Variants in PRMT8 observed in about 807,000 individuals in gnomAD.
PRMT8 encodes the protein protein arginine methyltransferase 8.
PRMT8 carries 7 observed loss-of-function variants against 47.1 expected under a neutral mutation model. That is an observed-to-expected ratio of 0.15 (90% CI 0.08 to 0.28). The LOEUF (loss-of-function observed/expected upper bound fraction) is 0.28, where lower values mean the gene tolerates loss of function less well. Among genes scored for constraint, PRMT8 ranks in the 10% least tolerant of loss-of-function variants. The probability of loss-of-function intolerance (pLI) is 1.00; values close to 1 mark genes in which losing one functional copy is unlikely to be tolerated. For missense variants in PRMT8, 237 were observed against 505.4 expected (o/e 0.47, Z 5.09); for synonymous variants, 188 against 186.5 (o/e 1.01, Z -0.07).
intron 7 of PRMT8, among the ~76,000 whole-genome samples, chr12:3,577,993 TC>T (rs1231651760): frequency 3.3e-5 from 5 of 152,242 alleles, no homozygotes; most frequent in Admixed American, 1.3e-4. Flanking sequence ...CTGGGTTGCC[TC>T]TTCCAGTCCT....
rs181957023 is a variant in PRMT8, at chr12:3,514,776, C to T, written c.75+23076C>T. On this transcript the variant is annotated intron_variant, in intron 1 of 9. Transcript: ENST00000382622. This position sits in a 1 kb window ranked among gnomAD's most constrained non-coding sequence, Gnocchi z 5.9. ...GGCCCCTCCCTATGGGGGTCACTGT[C>T]GACCTGCTCTTTCCCCGACCTGAAA... 2.0e-5 allele frequency among the ~76,000 whole-genome samples: 3 copies of T among 152,236 alleles called. No homozygotes were observed. Among genetic ancestry groups the T allele is most frequent in the East Asian group, 3.9e-4 (2 of 5,150 alleles).
chr12:3,543,858 A>AG (rs955545397), intron 2 of PRMT8, among the ~76,000 whole-genome samples: 1 of 152,032 alleles, frequency 6.6e-6, no homozygotes, highest in African/African-American at 2.4e-5. Context: ...CCACCTAGAG[A>AG]GGAGGTGGTA....
chr12:3,384,585 C>T (rs564782596), intron 1 of PRMT8, among the ~76,000 whole-genome samples: 153 of 152,246 alleles, frequency 1.0e-3, no homozygotes, highest in African/African-American at 3.5e-3. Context: ...GCTTTCCCCT[C>T]GTGGTTGCAA....
In PRMT8 at chr12:3,508,457, C is replaced by T. The variant is rs1046065174; in HGVS notation, c.75+16757C>T. 2.6e-5 allele frequency among the ~76,000 whole-genome samples: 4 copies of T among 152,232 alleles called. No individual in the cohort carries two copies. Among genetic ancestry groups the T allele is most frequent in the South Asian group, 4.1e-4 (2 of 4,824 alleles). ...CTACACACAGGGTCTGACATCTGAA[C>T]GCGGGAGAGTGTGTTTCCTGTGAGA... On this transcript the variant is annotated intron_variant, in intron 1 of 9. Transcript: ENST00000382622. This position sits in a 1 kb window ranked among gnomAD's most constrained non-coding sequence, Gnocchi z 4.9.
chr12:3,548,798 C>A (rs775607382), intron 2 of PRMT8, among the ~76,000 whole-genome samples: 31 of 152,232 alleles, frequency 2.0e-4, no homozygotes, highest in Admixed American at 1.0e-3. Context: ...GAACATGTAC[C>A]TACCCTAAGA....
chr12:3,526,647 T>C (rs1865953577), intron 1 of PRMT8, among the ~76,000 whole-genome samples: 1 of 152,228 alleles, frequency 6.6e-6, no homozygotes, highest in African/African-American at 2.4e-5. Flanking sequence ...TCATATATTT[T>C]GTGGCTCTTT....
intron 1 of PRMT8, among the ~76,000 whole-genome samples, chr12:3,441,284 T>A (rs1202328910): frequency 1.3e-5 from 2 of 152,242 alleles, no homozygotes; most frequent in Non-Finnish European, 2.9e-5. Flanking sequence ...TTTTGTTTGT[T>A]TCATAATGAA....
At chr12:3,551,766 C>T (rs1866425811) in intron 3 of PRMT8, 1 of 152,346 alleles carries the variant, frequency 6.6e-6, no homozygotes, top group African/African-American at 2.4e-5. Flanking sequence ...CACTGCTGTC[C>T]TCCAGTGGGG....
At position 3,576,659 on chromosome 12, in the gene PRMT8, A is replaced by T. The variant is rs1212097059; in HGVS notation, c.713-212A>T. Reference sequence around the variant, plus strand: ...CTAGTTTACCTAACAACAAAGTGGGACTTACCTTTTCCCGAGGTAGAAATG... The same window carrying T: ...CTAGTTTACCTAACAACAAAGTGGGTCTTACCTTTTCCCGAGGTAGAAATG... On this transcript the variant is annotated intron_variant, in intron 6 of 9. Coordinates refer to ENST00000382622, the MANE Select transcript of PRMT8 (RefSeq NM_019854.5). The surrounding 1 kb of genome is among the most constrained non-coding windows in gnomAD (Gnocchi z 4.0). Among the ~76,000 whole-genome samples the T allele has an allele frequency of 1.3e-5, 2 of 152,170 alleles. No homozygotes were observed. The highest frequency in any genetic ancestry group is 2.9e-5 in the Non-Finnish European group (2 of 68,022).
Position 3,583,235 on chromosome 12 carries a change from C to CTCCTCCCTCTCCCATGCT in PRMT8, c.979+33_979+50dup. ...TGAGCTGTTTGTTGCTTCCCAGAGC[C>CTCCTCCCTCTCCCATGCT]TCCTCCCTCTCCCATGCTTCCTCAA... On this transcript the variant is annotated intron_variant, in intron 8 of 9. Transcript: ENST00000382622. This position sits in a 1 kb window ranked among gnomAD's most constrained non-coding sequence, Gnocchi z 4.7. The CTCCTCCCTCTCCCATGCT allele has an allele frequency of 6.3e-7, 1 of 1,589,644 alleles. No homozygotes were observed. Among genetic ancestry groups the CTCCTCCCTCTCCCATGCT allele is most frequent in the Non-Finnish European group, 8.6e-7 (1 of 1,166,804 alleles).
chr12:3,397,963 G>A (rs1001831187), intron 1 of PRMT8, among the ~76,000 whole-genome samples: 1 of 152,200 alleles, frequency 6.6e-6, no homozygotes, highest in Non-Finnish European at 1.5e-5. Flanking sequence ...GGGTGGGAGT[G>A]GCCTGATTTT....
intron 1 of PRMT8, among the ~76,000 whole-genome samples, chr12:3,450,458 T>C (rs557597821): frequency 1.3e-5 from 2 of 152,356 alleles, no homozygotes; most frequent in African/African-American, 4.8e-5. Context: ...AAGGACACAA[T>C]AGCAGATGCA....
rs1372329678 is a variant in PRMT8, at chr12:3,492,424, A to T, written c.75+724A>T. On this transcript the variant is annotated intron_variant, in intron 1 of 9. Coordinates refer to ENST00000382622, the MANE Select transcript of PRMT8 (RefSeq NM_019854.5). The surrounding 1 kb of genome is among the most constrained non-coding windows in gnomAD (Gnocchi z 7.5). ...CCCTGCAGCAGCCGAGCCTGCGCGG[A>T]CTGTGGGGGCTGCGCGCCGCCGGCT... is the stretch of plus-strand genomic sequence containing the variant. Among the ~76,000 whole-genome samples the T allele has an allele frequency of 6.6e-6, 1 of 152,172 alleles. No homozygotes were observed.
At chr12:3,476,184 G>T (rs1436294120) in intron 1 of PRMT8, among the ~76,000 whole-genome samples, 3 of 152,148 alleles carry the variant, frequency 2.0e-5, no homozygotes, top group African/African-American at 7.2e-5. Context: ...GGGAGCTTCA[G>T]CTCTAAGTGG....
chr12:3,509,267 C>T (rs1865675060), intron 1 of PRMT8, among the ~76,000 whole-genome samples: 1 of 152,164 alleles, frequency 6.6e-6, no homozygotes, highest in South Asian at 2.1e-4. Flanking sequence ...CAAGCCCTTC[C>T]CTCTGCTCCA....
chr12:3,426,194 C>T (rs923888786), intron 1 of PRMT8, among the ~76,000 whole-genome samples: 8 of 152,228 alleles, frequency 5.3e-5, no homozygotes, highest in Non-Finnish European at 1.0e-4. Context: ...CTCTGGCCTG[C>T]TGTGCGCACA....
rs1444073487 is a variant in PRMT8 at position 3,397,150 on chromosome 12, T to C, written c.48+15708T>C. On this transcript the variant is annotated intron_variant, in intron 1 of 9. Transcript: ENST00000452611. Reference sequence around the variant, plus strand: ...TCAAAGTTTTCAACTTCTTTGCCTTTGGTTTGAATGTCCTCCCATAGCTTG... The same window carrying C: ...TCAAAGTTTTCAACTTCTTTGCCTTCGGTTTGAATGTCCTCCCATAGCTTG... 2.6e-5 allele frequency among the ~76,000 whole-genome samples: 4 copies of C among 151,818 alleles called. 1 individual carries two copies. The highest frequency in any genetic ancestry group is 4.3e-4 in the South Asian group (2 of 4,600).
At chr12:3,395,419 T>C (rs1864239361) in intron 1 of PRMT8, among the ~76,000 whole-genome samples, 1 of 150,138 alleles carries the variant, frequency 6.7e-6, no homozygotes, top group East Asian at 1.9e-4. Context: ...GTGTCTTTGT[T>C]CTTGTTGGTT....
chr12:3,404,337 A>G (rs1430761580), intron 1 of PRMT8, among the ~76,000 whole-genome samples: 1 of 152,256 alleles, frequency 6.6e-6, no homozygotes, highest in Non-Finnish European at 1.5e-5. Context: ...CCAGTTTGAT[A>G]TACGTAGATA....
Sources: allele counts gnomAD v4.1 joint callset (sites outside exome capture counted in the v4.1 genomes callset), GRCh38; gene constraint gnomAD v4.1.1; non-coding constraint Gnocchi (gnomAD v3.1); transcripts MANE v1.5; gene names NCBI Gene and HGNC (gene_info 2026-07-23, HGNC 2026-07-21).